PALLD: variants seen among roughly 807,000 people sequenced by gnomAD.
PALLD encodes the protein palladin.
In PALLD, 61 loss-of-function variants were observed where a neutral mutation model predicts 123.5. That is an observed-to-expected ratio of 0.49 (90% CI 0.40 to 0.61). The LOEUF is 0.61. PALLD is among the 20% of genes least tolerant of loss of function. The pLI is 0.00. For synonymous variants in PALLD, 465 were observed against 496.4 expected (o/e 0.94, Z 0.84); for missense variants, 1,273 against 1,377.0 (o/e 0.92, Z 1.20).
At chr4:168,740,073 A>C (rs74713977) in intron 10 of PALLD, among the ~76,000 whole-genome samples, 14,184 of 152,224 alleles carry the variant, frequency 0.093, 654 homozygotes, top group South Asian at 0.13. Context: ...CTGGAAAAAA[A>C]ATGACACATG....
chr4:168,846,611 G>T (rs1274052582), intron 10 of PALLD, among the ~76,000 whole-genome samples: 6 of 152,216 alleles, frequency 3.9e-5, no homozygotes, highest in Non-Finnish European at 8.8e-5. Flanking sequence ...TCATGGTAGT[G>T]AGATGTAACA....
chr4:168,660,279 G>A (rs1779003166), intron 2 of PALLD, among the ~76,000 whole-genome samples: 2 of 152,246 alleles, frequency 1.3e-5, no homozygotes, highest in South Asian at 4.2e-4. Flanking sequence ...GCAGCCCCTT[G>A]ATTTTAATTA....
intron 10 of PALLD, among the ~76,000 whole-genome samples, chr4:168,870,202 T>G (rs879846994): frequency 1.3e-5 from 2 of 152,196 alleles, no homozygotes; most frequent in Non-Finnish European, 2.9e-5. Flanking sequence ...TGAAATAGTT[T>G]CCATGTTTCC....
At chr4:168,746,627 T>C (rs1730361341) in intron 10 of PALLD, among the ~76,000 whole-genome samples, 1 of 152,164 alleles carries the variant, frequency 6.6e-6, no homozygotes, top group Non-Finnish European at 1.5e-5. Flanking sequence ...GTACCAATTT[T>C]CTTCCCTGGG....
intron 2 of PALLD, among the ~76,000 whole-genome samples, chr4:168,581,762 C>T (rs10010989): frequency 0.66 from 100,045 of 151,890 alleles, 33,149 homozygotes; most frequent in East Asian, 0.92. Context: ...AGGTTTTAGT[C>T]TGATGCAATC....
At chr4:168,653,585 G>A (rs988899275) in intron 2 of PALLD, among the ~76,000 whole-genome samples, 1 of 152,154 alleles carries the variant, frequency 6.6e-6, no homozygotes, top group African/African-American at 2.4e-5. Flanking sequence ...CTAGCTCTTC[G>A]GCTATACACA....
At chr4:168,734,487 T>G (rs575659106) in intron 10 of PALLD, among the ~76,000 whole-genome samples, 6 of 152,162 alleles carry the variant, frequency 3.9e-5, no homozygotes, top group Admixed American at 2.0e-4. Flanking sequence ...CAGCTCGAAA[T>G]TGCACGTAGT....
chr4:168,899,208 G>A (rs1272142355), intron 14 of PALLD, among the ~76,000 whole-genome samples: 1 of 152,084 alleles, frequency 6.6e-6, no homozygotes, highest in African/African-American at 2.4e-5. Flanking sequence ...TGTTTAGAAC[G>A]GATAATGACA....
chr4:168,563,953 C>T (rs934752670), intron 2 of PALLD, among the ~76,000 whole-genome samples: 5 of 152,174 alleles, frequency 3.3e-5, no homozygotes, highest in Non-Finnish European at 5.9e-5. Context: ...TTTAGGGTAT[C>T]CATCACTCAG....
chr4:168,746,665 G>A (rs1337231791), intron 10 of PALLD, among the ~76,000 whole-genome samples: 2 of 152,120 alleles, frequency 1.3e-5, no homozygotes, highest in East Asian at 3.9e-4. Flanking sequence ...CATGGTTCTT[G>A]TGAAAGTTAT....
chr4:168,598,501 A>G lies in PALLD; in HGVS notation c.909-69689A>G, dbSNP rs1325675106. 1.0e-5 allele frequency: 5 copies of G among 500,528 alleles called. No homozygotes were observed. The Admixed American group carries it at 1.2e-4, about 12-fold the overall frequency. The allele number at this position is 500,528 out of a possible 1,614,324, so 31.0% of individuals were successfully genotyped here. A position where few individuals can be genotyped will look rare whatever the true frequency, so the allele number is the denominator to read the frequency against. ...CAGAGAGAGAAGAACTAGAGAGAGG[A>G]GCAGAGAGAGGTAATTGCAAAGATG... is the stretch of plus-strand genomic sequence containing the variant. On this transcript the variant is annotated intron_variant, in intron 2 of 21. Transcript: ENST00000505667.
chr4:168,684,378 T>C (rs1309537654), intron 5 of PALLD, among the ~76,000 whole-genome samples: 4 of 152,322 alleles, frequency 2.6e-5, no homozygotes. Flanking sequence ...TCCATCGCTT[T>C]ATTATTGCAG....
intron 2 of PALLD, among the ~76,000 whole-genome samples, chr4:168,588,918 C>A (rs1771121598): frequency 6.6e-6 from 1 of 152,200 alleles, no homozygotes. Flanking sequence ...ACTCAATTTG[C>A]AACTCTAGAT....
chr4:168,619,837 A>C lies in PALLD; in HGVS notation c.909-48353A>C, dbSNP rs112849860. Among the ~76,000 whole-genome samples the C allele has an allele frequency of 5.9e-3, 903 of 152,264 alleles. 7 individuals carry two copies. The highest frequency in any genetic ancestry group is 0.02 in the African/African-American group (834 of 41,574). On this transcript the variant is annotated intron_variant, in intron 2 of 21. Coordinates refer to ENST00000505667, the MANE Select transcript of PALLD (RefSeq NM_001166108.2). ...GATCCACCCCAAACCTAGTCTCCTG[A>C]AGGTTTCCTAAAACATCAGATTTAA...
intron 10 of PALLD, among the ~76,000 whole-genome samples, chr4:168,715,921 C>G (rs1030152458): frequency 8.1e-5 from 12 of 147,526 alleles, no homozygotes; most frequent in African/African-American, 3.1e-4. Context: ...CTGCCCTCCA[C>G]CCTGGGTGAC....
At position 168,926,168 on chromosome 4, in the gene PALLD, A is replaced by G. The variant is rs943990048; in HGVS notation, c.*33-45A>G. On this transcript the variant is annotated intron_variant, in intron 21 of 21. Coordinates refer to ENST00000505667, the MANE Select transcript of PALLD (RefSeq NM_001166108.2). ...ATTTGAAATATCTAAAGGCTTTCCA[A>G]GTATATCTTGATTAAAAATCTTAAT... is the stretch of plus-strand genomic sequence containing the variant. 2.1e-6 allele frequency: 3 copies of G among 1,423,060 alleles called. No homozygotes were observed. The African/African-American group carries it at 4.3e-5, about 20-fold the overall frequency. 88.2% of individuals were successfully genotyped at this position (1,423,060 alleles called of 1,614,324 possible). A position where few individuals can be genotyped will look rare whatever the true frequency, so the allele number is the denominator to read the frequency against.
At chr4:168,497,824 A>G (rs62333821) in intron 1 of PALLD, among the ~76,000 whole-genome samples, 14,756 of 152,286 alleles carry the variant, frequency 0.097, 802 homozygotes, top group Non-Finnish European at 0.11. Flanking sequence ...AAGTTTAAAC[A>G]TCACAGAATA....
chr4:168,833,097 G>T lies in PALLD; in HGVS notation c.1965-57825G>T, dbSNP rs75037013. Among the ~76,000 whole-genome samples, 13 of 152,148 alleles carry T rather than the reference G, an allele frequency of 8.5e-5. 1 individual carries two copies. The highest frequency in any genetic ancestry group is 6.2e-4 in the South Asian group (3 of 4,820). On this transcript the variant is annotated intron_variant, in intron 10 of 21. Transcript: ENST00000505667. ...CCCGCCCCGGGGCTGGGGGCTTCCC[G>T]CCCGTTTGTCTCATTTTAACTTTTG...
chr4:168,907,517 C>T (rs1029046454), intron 15 of PALLD, among the ~76,000 whole-genome samples: 1 of 152,166 alleles, frequency 6.6e-6, no homozygotes, highest in Non-Finnish European at 1.5e-5. Context: ...GAGCTGTGAG[C>T]TAGAGGACGG....
Sources: gnomAD v4.1 joint callset for allele counts (sites outside exome capture counted in the v4.1 genomes callset) on GRCh38, gnomAD v4.1.1 for gene constraint, MANE v1.5 for transcripts, NCBI Gene and HGNC (gene_info 2026-07-23, HGNC 2026-07-21) for gene names.